The following CASP9 variants were observed in gnomAD, a reference collection of about 807,000 sequenced individuals.
CASP9 encodes the protein caspase-9.
A neutral mutation model predicts 43.5 loss-of-function variants in CASP9; 29 were observed. The observed-to-expected ratio is 0.67, with a 90% CI of 0.50 to 0.91. The LOEUF (loss-of-function observed/expected upper bound fraction) is 0.91, where lower values mean the gene tolerates loss of function less well. Ranked by LOEUF, CASP9 falls within the 40% of genes least tolerant of loss-of-function variation. The pLI is 0.00. For missense variants in CASP9, 575 were observed against 537.4 expected (o/e 1.07, Z -0.69); for synonymous variants, 206 against 211.9 (o/e 0.97, Z 0.24).
chr1:15,510,852 A>C (rs1709726317), intron 2 of CASP9, among the ~76,000 whole-genome samples: 1 of 152,144 alleles, frequency 6.6e-6, no homozygotes, highest in African/African-American at 2.4e-5. Flanking sequence ...TCAGTCTTCC[A>C]GCCTGAGTCA....
At position 15,518,409 on chromosome 1, in the gene CASP9, A is replaced by C. The variant is rs1162241547; in HGVS notation, c.133-14T>G. 3 of 1,605,660 alleles carry C rather than the reference A, an allele frequency of 1.9e-6. No homozygotes were observed. Among genetic ancestry groups the C allele is most frequent in the African/African-American group, 1.3e-5 (1 of 74,784 alleles). ...AGAGCCTGCCCGCTGTTTGGAAAGA[A>C]AGGCAGGATACTAATTATCCACGTA... On this transcript the variant is annotated splice_polypyrimidine_tract_variant and intron_variant, in intron 1 of 8. Coordinates refer to ENST00000333868, the MANE Select transcript of CASP9 (RefSeq NM_001229.5).
At chr1:15,524,713 C>T (rs2103391979), upstream of CASP9, 1 of 1,048,680 alleles carries the variant, frequency 9.5e-7, no homozygotes, top group African/African-American at 1.8e-5. Context: ...CTCGCCCTGT[C>T]CCCAGGGTCA....
chr1:15,518,978 G>A (rs564510747), intron 1 of CASP9, among the ~76,000 whole-genome samples: 39 of 152,026 alleles, frequency 2.6e-4, no homozygotes, highest in African/African-American at 9.4e-4. Context: ...AGGTTCAAGC[G>A]ATTATCCTGC....
At chr1:15,511,274 C>T (rs913892681) in intron 2 of CASP9, among the ~76,000 whole-genome samples, 7 of 152,246 alleles carry the variant, frequency 4.6e-5, no homozygotes, top group South Asian at 2.1e-4. Flanking sequence ...TTTTTGGAGA[C>T]GGAGTCTCAC....
chr1:15,496,574 A>C (rs933130141), intron 6 of CASP9, among the ~76,000 whole-genome samples: 1 of 152,262 alleles, frequency 6.6e-6, no homozygotes, highest in South Asian at 2.1e-4. Flanking sequence ...TACGAAGCCA[A>C]CCACAAAAAA....
At chr1:15,501,067 G>A (rs1411741563) in intron 6 of CASP9, among the ~76,000 whole-genome samples, 1 of 152,202 alleles carries the variant, frequency 6.6e-6, no homozygotes, top group Non-Finnish European at 1.5e-5. Flanking sequence ...TCCCCGTAGG[G>A]CAGGACTCAT....
intron 8 of CASP9, chr1:15,493,364 C>A: frequency 1.6e-6 from 2 of 1,238,062 alleles, no homozygotes; most frequent in South Asian, 2.5e-5. Flanking sequence ...CCAAGGCAGC[C>A]ACAAGGCCAC....
chr1:15,506,921 A>T lies in CASP9; in HGVS notation c.608T>A (p.Val203Glu). Reference sequence around the variant, plus strand: ...TACCTTGGCAGTCAGGTCGCCCTTCACCTCCACCATGAAATGCAGCGAGGA... The same window carrying T: ...TACCTTGGCAGTCAGGTCGCCCTTCTCCTCCACCATGAAATGCAGCGAGGA... ...RFSSLHFMVE[V>E]KGDLTAKKMV... The change falls in exon 4 of 9, where the codon GTG (valine) becomes GAG (glutamate). Residue 203 changes from valine (V) to glutamate (E), a missense_variant. By Grantham distance (121) the Val-to-Glu change is moderately radical (BLOSUM62 -2). Transcript: ENST00000333868. 1.2e-6 allele frequency: 2 copies of T among 1,613,376 alleles called. No individual in the cohort carries two copies. The highest frequency in any genetic ancestry group is 1.7e-6 in the Non-Finnish European group (2 of 1,179,790).
rs117781189 is a variant in CASP9 at position 15,522,952 on chromosome 1, A to G, written c.132+1117T>C. 8.7e-4 allele frequency among the ~76,000 whole-genome samples: 133 copies of G among 152,320 alleles called. 2 individuals are homozygous for G. In the East Asian group the frequency reaches 0.023, roughly 26 times the overall value. On this transcript the variant is annotated intron_variant, in intron 1 of 8. Transcript: ENST00000333868. Reference sequence around the variant, plus strand: ...AAACTTATTTTATTATTAATGAATAATTACTCATATGATACTCAATTATTT... The same window carrying G: ...AAACTTATTTTATTATTAATGAATAGTTACTCATATGATACTCAATTATTT...
chr1:15,493,359 G>A (rs570500416), intron 8 of CASP9: 57 of 1,239,712 alleles, frequency 4.6e-5, no homozygotes, highest in Middle Eastern at 6.4e-4. Flanking sequence ...GCCTCCCAAG[G>A]CAGCCACAAG....
At chr1:15,504,863 A>G in intron 5 of CASP9, 105 bp from the exon 6 acceptor site, 1 of 1,109,550 alleles carries the variant, frequency 9.0e-7, no homozygotes. Context: ...GGTCAAAGCC[A>G]GGGGCACGAG....
At chr1:15,524,048 G>A (rs1461938892) in intron 1 of CASP9, 21 bp downstream of exon 1, 7 of 1,438,698 alleles carry the variant, frequency 4.9e-6, no homozygotes, top group South Asian at 1.3e-5. Context: ...GCAGCGCGGG[G>A]ACAGGGGGCC....
chr1:15,521,742 C>A (rs1710212008), intron 1 of CASP9, among the ~76,000 whole-genome samples: 1 of 152,032 alleles, frequency 6.6e-6, no homozygotes, highest in African/African-American at 2.4e-5. Flanking sequence ...GTCTCCACGT[C>A]TAGGTGGTAG....
Position 15,524,143 on chromosome 1 carries a change from G to T in CASP9, c.58C>A (p.Leu20Met). ...RRCRLRLVEE[L>M]QVDQLWDALL... ...GCGTCCCAGAGCTGGTCCACCTGCA[G>T]CTCTTCCACCAGCCGCAGCCGGCAC... is the stretch of plus-strand genomic sequence containing the variant. Residue 20 changes from leucine (L) to methionine (M), a missense_variant, in exon 1 of 9, where the codon CTG becomes ATG. Physicochemically the swap from Leu to Met is conservative, Grantham distance 15. Coordinates refer to ENST00000333868, the MANE Select transcript of CASP9 (RefSeq NM_001229.5). 6.5e-7 allele frequency: 1 copy of T among 1,540,504 alleles called. No individual in the cohort carries two copies.
Position 15,518,501 on chromosome 1 carries a change from T to C in CASP9, c.133-106A>G. ...CTGTAAGTCTAAACAATCAGGCACG[T>C]GGGCAGCAATGGAGCTGCAGGTGCA... On this transcript the variant is annotated intron_variant, in intron 1 of 8. Transcript: ENST00000333868. 3 of 1,174,286 alleles carry C rather than the reference T, an allele frequency of 2.6e-6. No homozygotes were observed. In the South Asian group the frequency reaches 4.5e-5, roughly 18 times the overall value. The allele number at this position is 1,174,286 out of a possible 1,614,324, so 72.7% of individuals were successfully genotyped here.
chr1:15,515,615 C>T (rs1709918415), intron 2 of CASP9, among the ~76,000 whole-genome samples: 1 of 152,192 alleles, frequency 6.6e-6, no homozygotes, highest in African/African-American at 2.4e-5. Context: ...TACTGATATG[C>T]ACAACAATAT....
At chr1:15,512,785 A>G (rs896742072) in intron 2 of CASP9, among the ~76,000 whole-genome samples, 1 of 152,148 alleles carries the variant, frequency 6.6e-6, no homozygotes, top group African/African-American at 2.4e-5. Flanking sequence ...CTACTTGTCC[A>G]CTGTGACACA....
chr1:15,521,850 G>A (rs1710216253), intron 1 of CASP9, among the ~76,000 whole-genome samples: 1 of 152,038 alleles, frequency 6.6e-6, no homozygotes, highest in African/African-American at 2.4e-5. Flanking sequence ...AAAACCCACA[G>A]GCCCTGTAAG....
chr1:15,494,668 C>T lies in CASP9; in HGVS notation c.1048+605G>A, dbSNP rs1262589029. Among the ~76,000 whole-genome samples, 22 of 151,544 alleles carry T rather than the reference C, an allele frequency of 1.5e-4. 1 individual carries two copies. Among genetic ancestry groups the T allele is most frequent in the Admixed American group, 1.4e-3 (22 of 15,208 alleles). ...CACGAGGTCAGGAGATCGAGACCAT[C>T]GTGGCTAACACGGTGAAACCCCATC... On this transcript the variant is annotated intron_variant, in intron 7 of 8. Coordinates refer to ENST00000333868, the MANE Select transcript of CASP9 (RefSeq NM_001229.5).
Sources: gnomAD v4.1 joint callset for allele counts (sites outside exome capture counted in the v4.1 genomes callset) on GRCh38, gnomAD v4.1.1 for gene constraint, MANE v1.5 for transcripts, NCBI Gene and HGNC (gene_info 2026-07-23, HGNC 2026-07-21) for gene names.